Variants in MARCO observed in about 807,000 individuals in gnomAD.
MARCO encodes the protein macrophage receptor with collagenous structure.
Under a neutral mutation model 70.0 loss-of-function variants are expected in MARCO, and 72 were observed. The ratio of observed to expected loss-of-function variants is 1.03; its 90% CI spans 0.85 to 1.25. MARCO has a LOEUF of 1.25. Among genes scored for constraint, MARCO ranks in the 50% most tolerant of loss-of-function variants. MARCO has a pLI of 0.00. For missense variants in MARCO, 696 were observed against 659.3 expected (o/e 1.06, Z -0.61); for synonymous variants, 273 against 243.1 (o/e 1.12, Z -1.14).
intron 1 of MARCO, among the ~76,000 whole-genome samples, chr2:118,945,270 A>G (rs958362235): frequency 6.6e-6 from 1 of 151,986 alleles, no homozygotes; most frequent in Admixed American, 6.6e-5. Context: ...GAAAATTAGC[A>G]ATCTGTGTCT....
At chr2:118,976,437 C>T (rs767334068) in intron 6 of MARCO, among the ~76,000 whole-genome samples, 2 of 152,080 alleles carry the variant, frequency 1.3e-5, no homozygotes, top group African/African-American at 2.4e-5. Flanking sequence ...TCTCACTCCT[C>T]TCCTTCCCAT....
At chr2:118,994,213 AC>A in intron 16 of MARCO, among the ~76,000 whole-genome samples, 173 bp from the exon 17 acceptor site, 1 of 152,130 alleles carries the variant, frequency 6.6e-6, no homozygotes, top group Non-Finnish European at 1.5e-5. Flanking sequence ...AACAACAACA[AC>A]AACAACAAAA....
At chr2:118,963,722 TA>T (rs1479418019) in intron 1 of MARCO, among the ~76,000 whole-genome samples, 2 of 152,226 alleles carry the variant, frequency 1.3e-5, no homozygotes, top group Non-Finnish European at 2.9e-5. Context: ...TTTTTTCAGT[TA>T]AATCAGTTTT....
intron 1 of MARCO, 88 bp downstream of exon 1, chr2:118,942,485 T>C (rs1205260806): frequency 3.6e-6 from 4 of 1,101,994 alleles, no homozygotes; most frequent in South Asian, 1.3e-5. Flanking sequence ...CAATAGAAAG[T>C]CTAGGTTTGG....
intron 12 of MARCO, among the ~76,000 whole-genome samples, chr2:118,983,533 G>A (rs1229294499): frequency 1.3e-5 from 2 of 152,176 alleles, no homozygotes; most frequent in African/African-American, 2.4e-5. Flanking sequence ...CAGTGTGTTT[G>A]GGAGGATCCC....
chr2:118,982,284 G>A (rs1211601992), intron 11 of MARCO, 30 bp downstream of exon 11: 3 of 1,612,506 alleles, frequency 1.9e-6, no homozygotes, highest in Non-Finnish European at 1.7e-6. Context: ...GGTGGGCACA[G>A]GGAGTGATGT....
intron 12 of MARCO, among the ~76,000 whole-genome samples, chr2:118,989,652 A>G (rs941054299): frequency 6.6e-6 from 1 of 152,210 alleles, no homozygotes; most frequent in Admixed American, 6.5e-5. Context: ...GAGGTGGGGC[A>G]GGGCAGGCAG....
chr2:118,986,662 A>C, intron 12 of MARCO, among the ~76,000 whole-genome samples: 1 of 55,038 alleles, frequency 1.8e-5, no homozygotes, highest in East Asian at 8.7e-4. Flanking sequence ...AGAAGGAAGG[A>C]AGGAAGGAAG....
chr2:118,992,509 C>A, intron 15 of MARCO, 33 bp downstream of exon 15: 1 of 1,546,680 alleles, frequency 6.5e-7, no homozygotes, highest in Non-Finnish European at 8.9e-7. Context: ...TTAATGTGTG[C>A]TTTAAAGTCA....
At chr2:118,957,736 GA>G (rs1679865171) in intron 1 of MARCO, among the ~76,000 whole-genome samples, 1 of 152,058 alleles carries the variant, frequency 6.6e-6, no homozygotes, top group African/African-American at 2.4e-5. Flanking sequence ...TATCCTTGAT[GA>G]ACATAGATGT....
chr2:118,970,268 C>A lies in MARCO; in HGVS notation c.354C>A (p.Ala118=). The change falls in exon 3 of 17, where the codon GCC becomes GCA. Residue 118 remains alanine, a synonymous_variant. Coordinates refer to ENST00000327097, the MANE Select transcript of MARCO (RefSeq NM_006770.4). ...CATCGAGGCTGCAAGTCCTGCAGGC[C>A]CAACTCACCTGGGTCCGCGTCAGCC... is the stretch of plus-strand genomic sequence containing the variant. The part of the protein sequence containing the change: ...QGASRLQVLQ[A]QLTWVRVSHE... 6.2e-7 allele frequency: 1 copy of A among 1,614,102 alleles called. No homozygotes were observed. The highest frequency in any genetic ancestry group is 1.1e-5 in the South Asian group (1 of 91,080).
At chr2:118,974,765 G>A (rs186236825) in intron 6 of MARCO, among the ~76,000 whole-genome samples, 200 bp downstream of exon 6, 16 of 152,270 alleles carry the variant, frequency 1.1e-4, no homozygotes, top group Non-Finnish European at 8.8e-5. Context: ...CTGGGCAGCC[G>A]CCCTCAGGGG....
chr2:118,959,450 C>A (rs1679900711), intron 1 of MARCO, among the ~76,000 whole-genome samples: 1 of 151,976 alleles, frequency 6.6e-6, no homozygotes, highest in South Asian at 2.1e-4. Context: ...CTTACTCCTG[C>A]AAGAATGGCC....
intron 8 of MARCO, among the ~76,000 whole-genome samples, chr2:118,980,241 C>T (rs12997087): frequency 0.13 from 19,028 of 152,202 alleles, 2,172 homozygotes; most frequent in African/African-American, 0.3. Flanking sequence ...ACACTCTGAA[C>T]GGCCAAGAAC....
rs187463939 is a variant in MARCO at position 118,967,357 on chromosome 2, C to T, written c.98-1803C>T. On this transcript the variant is annotated intron_variant, in intron 1 of 16. Transcript: ENST00000327097. ...GCCACCAGTTGTCATCTGGCCTGGC[C>T]ATTGGTCAGGATCCATGTGGAGGTG... Among the ~76,000 whole-genome samples the T allele has an allele frequency of 2.0e-5, 3 of 152,248 alleles. No individual in the cohort carries two copies. In the East Asian group the frequency reaches 5.8e-4, roughly 29 times the overall value.
At chr2:118,977,975 C>T in intron 8 of MARCO, 40 bp downstream of exon 8, 1 of 1,399,472 alleles carries the variant, frequency 7.1e-7, no homozygotes, top group Non-Finnish European at 9.9e-7. Flanking sequence ...TGCCAGGAGG[C>T]CTGAGGGAAC....
intron 1 of MARCO, among the ~76,000 whole-genome samples, chr2:118,945,345 G>C (rs541512434): frequency 1.4e-4 from 22 of 151,804 alleles, no homozygotes; most frequent in African/African-American, 5.3e-4. Context: ...TGTTACCACA[G>C]CCTAACAAGA....
intron 1 of MARCO, among the ~76,000 whole-genome samples, chr2:118,962,493 T>C (rs904322903): frequency 2.6e-5 from 4 of 152,110 alleles, no homozygotes; most frequent in African/African-American, 9.7e-5. Flanking sequence ...GAATGGAAGT[T>C]CATTCACAAT....
chr2:118,951,808 A>C (rs1679727283), intron 1 of MARCO, among the ~76,000 whole-genome samples: 1 of 148,612 alleles, frequency 6.7e-6, no homozygotes, highest in East Asian at 2.0e-4. Flanking sequence ...CTCTTCCTTG[A>C]CTCTGTCTCT....
Sources: gnomAD v4.1 joint callset for allele counts (sites outside exome capture counted in the v4.1 genomes callset) on GRCh38, gnomAD v4.1.1 for gene constraint, MANE v1.5 for transcripts, NCBI Gene and HGNC (gene_info 2026-07-23, HGNC 2026-07-21) for gene names.